PIK3R3: variants seen among roughly 807,000 people sequenced by gnomAD.
The protein encoded by PIK3R3 is phosphoinositide-3-kinase regulatory subunit 3.
A neutral mutation model predicts 62.9 loss-of-function variants in PIK3R3; 64 were observed. The observed-to-expected ratio is 1.02, with a 90% confidence interval of 0.83 to 1.25. The LOEUF is 1.25. PIK3R3 is among the 50% of genes most tolerant of loss of function. PIK3R3 has a pLI of 0.00. For synonymous variants in PIK3R3, 165 were observed against 189.0 expected (o/e 0.87, Z 1.04); for missense variants, 614 against 561.6 (o/e 1.09, Z -0.94).
At chr1:46,076,620 A>G (rs1650091588) in intron 3 of PIK3R3, among the ~76,000 whole-genome samples, 1 of 152,238 alleles carries the variant, frequency 6.6e-6, no homozygotes, top group Admixed American at 6.5e-5. Flanking sequence ...ATGCCATACT[A>G]GCATAAAATG....
the PIK3R3 span, among the ~76,000 whole-genome samples, chr1:46,170,487 C>A: frequency 6.6e-6 from 1 of 152,168 alleles, no homozygotes. Context: ...ATGGCATGAT[C>A]TCGGCTCACT....
chr1:46,159,698 C>G, the PIK3R3 span, among the ~76,000 whole-genome samples: 1 of 151,704 alleles, frequency 6.6e-6, no homozygotes, highest in African/African-American at 2.4e-5. Context: ...TGTGTTATCC[C>G]CGTCCTGCAC....
At chr1:46,148,780 T>G in the PIK3R3 span, among the ~76,000 whole-genome samples, 1 of 145,084 alleles carries the variant, frequency 6.9e-6, no homozygotes, top group African/African-American at 2.6e-5. Context: ...GAGAGAGACA[T>G]GAAGAGAGAA....
the PIK3R3 span, among the ~76,000 whole-genome samples, chr1:46,152,440 A>G: frequency 9.0e-3 from 1,362 of 152,142 alleles, 12 homozygotes; most frequent in South Asian, 0.034. Context: ...CTCTCCCCCA[A>G]TAACTAGGCC....
Position 46,041,572 on chromosome 1 carries a change from T to A in PIK3R3, c.*2101A>T, listed in dbSNP as rs1282164541. 5.6e-6 allele frequency: 1 copy of A among 179,002 alleles called. No homozygotes were observed. The highest frequency in any genetic ancestry group is 2.4e-5 in the African/African-American group (1 of 42,294). 11.1% of individuals were successfully genotyped at this position (179,002 alleles called of 1,614,324 possible). On this transcript the variant is annotated 3_prime_UTR_variant, in exon 10 of 10. Coordinates refer to ENST00000262741, the MANE Select transcript of PIK3R3 (RefSeq NM_003629.4). ...AAAAGACACTCAGAACACACTGAAA[T>A]TTTAGTACCAGATGGGAGGGATTCC...
the PIK3R3 span, among the ~76,000 whole-genome samples, chr1:46,141,160 G>C: frequency 6.8e-6 from 1 of 148,022 alleles, no homozygotes; most frequent in Non-Finnish European, 1.5e-5. Flanking sequence ...GCACCTGGCC[G>C]ATTTCTGTTG....
At chr1:46,116,477 C>A (rs543134337) in intron 1 of PIK3R3, among the ~76,000 whole-genome samples, 1 of 152,198 alleles carries the variant, frequency 6.6e-6, no homozygotes, top group Non-Finnish European at 1.5e-5. Context: ...ATGATCAGGG[C>A]ACCGCATGCT....
chr1:46,051,521 A>C (rs964081443), intron 7 of PIK3R3, among the ~76,000 whole-genome samples: 3 of 152,114 alleles, frequency 2.0e-5, no homozygotes, highest in South Asian at 2.1e-4. Context: ...TCAGCCTCCC[A>C]AAGTGCTGGG....
At chr1:46,136,070 C>CTTT (rs571080588), upstream of PIK3R3, among the ~76,000 whole-genome samples, 5 of 124,236 alleles carry the variant, frequency 4.0e-5, no homozygotes, top group African/African-American at 6.1e-5. Flanking sequence ...TGGAAATATA[C>CTTT]TTTTTTTTTT....
chr1:46,095,575 T>A (rs1164123783), intron 1 of PIK3R3, among the ~76,000 whole-genome samples: 1 of 152,190 alleles, frequency 6.6e-6, no homozygotes, highest in Non-Finnish European at 1.5e-5. Flanking sequence ...ACCTAGGTGA[T>A]GGGATGATCT....
At chr1:46,162,477 ATAAAT>A in the PIK3R3 span, among the ~76,000 whole-genome samples, 1 of 152,218 alleles carries the variant, frequency 6.6e-6, no homozygotes, top group African/African-American at 2.4e-5. Context: ...TCTCAAATAA[ATAAAT>A]TAATTAATTA....
chr1:46,050,348 T>G (rs1222532273), intron 7 of PIK3R3, among the ~76,000 whole-genome samples: 1 of 152,094 alleles, frequency 6.6e-6, no homozygotes, highest in Non-Finnish European at 1.5e-5. Context: ...GTGGATCACC[T>G]GAGGTCAGGA....
At chr1:46,106,841 T>C (rs1050544088) in intron 1 of PIK3R3, among the ~76,000 whole-genome samples, 3 of 152,130 alleles carry the variant, frequency 2.0e-5, no homozygotes, top group Non-Finnish European at 4.4e-5. Context: ...AATGGCGTGA[T>C]CTCGGCTCAC....
At chr1:46,125,798 T>C (rs1432103414) in intron 1 of PIK3R3, among the ~76,000 whole-genome samples, 1 of 151,900 alleles carries the variant, frequency 6.6e-6, no homozygotes, top group Non-Finnish European at 1.5e-5. Flanking sequence ...TCTTACTCTG[T>C]TGCCCAGGCT....
chr1:46,062,205 T>TC, intron 5 of PIK3R3, 134 bp from the exon 6 acceptor site: 1 of 696,868 alleles, frequency 1.4e-6, no homozygotes, highest in South Asian at 2.0e-5. Flanking sequence ...AAAAGTCTTC[T>TC]CCTTGTTTAG....
intron 4 of PIK3R3, among the ~76,000 whole-genome samples, chr1:46,066,626 C>A (rs1649014243): frequency 6.6e-6 from 1 of 152,006 alleles, no homozygotes; most frequent in Admixed American, 6.6e-5. Flanking sequence ...TCAAGACTAG[C>A]CTGGGCAACA....
chr1:46,159,738 T>TACACACACAC, the PIK3R3 span, among the ~76,000 whole-genome samples: 51 of 148,122 alleles, frequency 3.4e-4, no homozygotes, highest in African/African-American at 1.1e-3. Context: ...ATGAGTACCA[T>TACACACACAC]ACACACACAC....
At chr1:46,085,447 T>C (rs1241113475) in intron 1 of PIK3R3, among the ~76,000 whole-genome samples, 1 of 152,232 alleles carries the variant, frequency 6.6e-6, no homozygotes, top group Non-Finnish European at 1.5e-5. Context: ...TGTAGCTCTA[T>C]CAAACTAAAC....
At chr1:46,055,095 G>C (rs937598500) in intron 7 of PIK3R3, among the ~76,000 whole-genome samples, 1 of 147,152 alleles carries the variant, frequency 6.8e-6, no homozygotes. Context: ...GTACAGACAG[G>C]GTTTCACCAT....
Sources: gnomAD v4.1 joint callset for allele counts (sites outside exome capture counted in the v4.1 genomes callset) on GRCh38, gnomAD v4.1.1 for gene constraint, MANE v1.5 for transcripts, NCBI Gene and HGNC (gene_info 2026-07-23, HGNC 2026-07-21) for gene names.